KCNIP4: variants seen among roughly 807,000 people sequenced by gnomAD.
The protein encoded by KCNIP4 is potassium voltage-gated channel interacting protein 4.
KCNIP4 carries 12 observed loss-of-function variants against 34.0 expected under a neutral mutation model. The ratio of observed to expected loss-of-function variants is 0.35; its 90% confidence interval spans 0.23 to 0.57. The LOEUF is 0.57. Ranked by LOEUF, KCNIP4 falls within the 20% of genes least tolerant of loss-of-function variation. The pLI is 0.83. For missense variants in KCNIP4, 238 were observed against 311.7 expected (o/e 0.76, Z 1.78); for synonymous variants, 124 against 102.2 (o/e 1.21, Z -1.29).
At chr4:21,406,087 A>C (rs1299068444) in intron 1 of KCNIP4, among the ~76,000 whole-genome samples, 2 of 152,132 alleles carry the variant, frequency 1.3e-5, no homozygotes, top group Non-Finnish European at 2.9e-5. Context: ...CACCCGCCTC[A>C]GCTTCCCAAA....
chr4:20,730,292 C>G (rs890457846), intron 8 of KCNIP4, among the ~76,000 whole-genome samples, 163 bp from the exon 9 acceptor site: 9 of 152,152 alleles, frequency 5.9e-5, no homozygotes, highest in Non-Finnish European at 1.3e-4. Context: ...CTATTCTATC[C>G]ATTTTCCACA....
intron 5 of KCNIP4, among the ~76,000 whole-genome samples, chr4:20,736,684 G>A (rs981560995): frequency 2.0e-5 from 3 of 151,776 alleles, no homozygotes; most frequent in Non-Finnish European, 4.4e-5. Flanking sequence ...ATTTCAATTC[G>A]CTTTTAAGCA....
At chr4:21,410,895 A>T (rs1724438463) in intron 1 of KCNIP4, among the ~76,000 whole-genome samples, 1 of 152,176 alleles carries the variant, frequency 6.6e-6, no homozygotes, top group African/African-American at 2.4e-5. Context: ...TCTTGGCAAT[A>T]ATGGTCTGGC....
chr4:21,308,711 AGT>A (rs10525935), intron 1 of KCNIP4, among the ~76,000 whole-genome samples: 14,675 of 149,798 alleles, frequency 0.098, 789 homozygotes, highest in African/African-American at 0.15. Context: ...CTGCCGTGTG[AGT>A]GTGTGTGTGT....
Position 20,794,637 on chromosome 4 carries a change from T to A in KCNIP4, c.289-35747A>T, listed in dbSNP as rs530760523. ...GTTAGGATACTGAATAACTCTAAGA[T>A]GGATGGAAAGATTTATCATTGGGAA... On this transcript the variant is annotated intron_variant, in intron 3 of 8. Transcript: ENST00000382152. 1.5e-4 allele frequency among the ~76,000 whole-genome samples: 23 copies of A among 152,338 alleles called. 1 individual carries two copies. In the South Asian group the frequency reaches 4.1e-3, roughly 27 times the overall value.
chr4:20,824,712 T>G (rs531443412), intron 3 of KCNIP4, among the ~76,000 whole-genome samples: 4 of 152,294 alleles, frequency 2.6e-5, no homozygotes, highest in African/African-American at 9.6e-5. Context: ...TTTATGTTTT[T>G]GAGGTCCTTT....
chr4:20,890,507 T>C lies in KCNIP4; in HGVS notation c.62-7798A>G, dbSNP rs7664195. 9.2e-3 allele frequency among the ~76,000 whole-genome samples: 1,402 copies of C among 152,316 alleles called. 20 individuals carry two copies. Among genetic ancestry groups the C allele is most frequent in the African/African-American group, 0.032 (1,328 of 41,562 alleles). On this transcript the variant is annotated intron_variant, in intron 1 of 8. Transcript: ENST00000382152. Reference sequence around the variant, plus strand: ...GTATTACATATATTAGGTACTAATATATATTTGTTGAGTGATTCATATCAC... The same window carrying C: ...GTATTACATATATTAGGTACTAATACATATTTGTTGAGTGATTCATATCAC...
chr4:21,834,518 T>A (rs1271512931), intron 1 of KCNIP4, among the ~76,000 whole-genome samples: 1 of 152,204 alleles, frequency 6.6e-6, no homozygotes, highest in Admixed American at 6.5e-5. Context: ...TTTCTAGATA[T>A]ACAATCATGT....
chr4:21,824,923 C>T (rs1722584077), intron 1 of KCNIP4, among the ~76,000 whole-genome samples: 1 of 152,014 alleles, frequency 6.6e-6, no homozygotes, highest in African/African-American at 2.4e-5. Context: ...GCCCAGAGAC[C>T]AAAATGGCCA....
In KCNIP4 at chr4:21,099,521, C is replaced by A. The variant is rs1280564987; in HGVS notation, c.62-216812G>T. On this transcript the variant is annotated intron_variant, in intron 1 of 8. Transcript: ENST00000382152. Reference sequence around the variant, plus strand: ...AGCTAATGGATGCTGAGCTTAATACCTAGGTGATGGGTTGATCTGTGCAGC... The same window carrying A: ...AGCTAATGGATGCTGAGCTTAATACATAGGTGATGGGTTGATCTGTGCAGC... 3.3e-5 allele frequency among the ~76,000 whole-genome samples: 5 copies of A among 152,156 alleles called. No homozygotes were observed. In the East Asian group the frequency reaches 9.7e-4, roughly 29 times the overall value.
At chr4:21,259,885 CTG>C (rs4054880) in intron 1 of KCNIP4, among the ~76,000 whole-genome samples, 5,065 of 145,968 alleles carry the variant, frequency 0.035, 183 homozygotes, top group African/African-American at 0.093. Flanking sequence ...GCGCCCAAGA[CTG>C]TGTGTGTGTG....
intron 1 of KCNIP4, among the ~76,000 whole-genome samples, chr4:20,944,080 A>G (rs1731933035): frequency 6.6e-6 from 1 of 152,176 alleles, no homozygotes; most frequent in African/African-American, 2.4e-5. Context: ...AATCATACCT[A>G]GTTCATTGGG....
intron 1 of KCNIP4, among the ~76,000 whole-genome samples, chr4:21,687,762 G>C (rs1165858255): frequency 1.3e-5 from 2 of 152,064 alleles, no homozygotes; most frequent in Non-Finnish European, 2.9e-5. Context: ...TCAAAACAAT[G>C]ATAATATGAA....
At chr4:21,895,989 A>C (rs193201168) in intron 1 of KCNIP4, among the ~76,000 whole-genome samples, 2 of 152,298 alleles carry the variant, frequency 1.3e-5, no homozygotes, top group Admixed American at 1.3e-4. Flanking sequence ...GTTGGTGGAA[A>C]GCTGTTTGGT....
chr4:20,801,555 G>A (rs1714237742), intron 3 of KCNIP4, among the ~76,000 whole-genome samples: 1 of 152,100 alleles, frequency 6.6e-6, no homozygotes, highest in South Asian at 2.1e-4. Context: ...GTTATAGGGG[G>A]TGGAGAGTAA....
intron 1 of KCNIP4, among the ~76,000 whole-genome samples, chr4:21,361,056 T>C (rs898611459): frequency 3.3e-5 from 5 of 151,588 alleles, no homozygotes; most frequent in Non-Finnish European, 5.9e-5. Flanking sequence ...ATCATCATCA[T>C]TTAATTTAAA....
At chr4:21,440,204 T>G in intron 1 of KCNIP4, among the ~76,000 whole-genome samples, 1 of 152,222 alleles carries the variant, frequency 6.6e-6, no homozygotes, top group East Asian at 1.9e-4. Flanking sequence ...CCATACAAAT[T>G]TATGTATAAG....
At chr4:21,942,516 T>C (rs1730257925) in intron 1 of KCNIP4, among the ~76,000 whole-genome samples, 1 of 152,184 alleles carries the variant, frequency 6.6e-6, no homozygotes, top group Non-Finnish European at 1.5e-5. Context: ...ACTCTGATAG[T>C]CATGGTGCTA....
At chr4:21,703,959 T>C (rs1713068246) in intron 1 of KCNIP4, among the ~76,000 whole-genome samples, 1 of 152,166 alleles carries the variant, frequency 6.6e-6, no homozygotes, top group Admixed American at 6.6e-5. Context: ...TTGTGAGGTA[T>C]GGTTAGAACA....
Sources: gnomAD v4.1 joint callset for allele counts (sites outside exome capture counted in the v4.1 genomes callset) on GRCh38, gnomAD v4.1.1 for gene constraint, MANE v1.5 for transcripts, NCBI Gene and HGNC (gene_info 2026-07-23, HGNC 2026-07-21) for gene names.